The following DNM3 variants were observed in gnomAD, a reference collection of about 807,000 sequenced individuals.
DNM3 encodes dynamin 3, also known as dynamin-3.
In DNM3, 47 loss-of-function variants were observed where a neutral mutation model predicts 101.6. The observed-to-expected ratio is 0.46, with a 90% CI of 0.37 to 0.59. The LOEUF (loss-of-function observed/expected upper bound fraction) is 0.59. Ranked by LOEUF, DNM3 falls within the 20% of genes least tolerant of loss-of-function variation. DNM3 has a pLI of 0.00. For synonymous variants in DNM3, 385 were observed against 387.9 expected (o/e 0.99, Z 0.09); for missense variants, 849 against 1,085.7 (o/e 0.78, Z 3.06).
intron 15 of DNM3, among the ~76,000 whole-genome samples, chr1:172,291,636 T>C (rs948913039): frequency 6.6e-6 from 1 of 152,164 alleles, no homozygotes. Context: ...AAAATGTATG[T>C]AGTAGTAATC....
chr1:171,848,151 C>T (rs927747450), intron 1 of DNM3, among the ~76,000 whole-genome samples: 1 of 152,174 alleles, frequency 6.6e-6, no homozygotes, highest in Non-Finnish European at 1.5e-5. Flanking sequence ...ATCATCTTCT[C>T]TTCCTCCTGT....
rs2071261355 is a variant in DNM3, at chr1:172,412,405, C to CTTTG, written c.*4568_*4571dup. 1.0e-6 allele frequency: 1 copy of CTTTG among 985,610 alleles called. No homozygotes were observed. The highest frequency in any genetic ancestry group is 1.2e-6 in the Non-Finnish European group (1 of 829,898). The allele number at this position is 985,610 out of a possible 1,614,324, so 61.1% of individuals were successfully genotyped here. A position where few individuals can be genotyped will look rare whatever the true frequency, so the allele number is the denominator to read the frequency against. ...TATATTTCCTATGTACATGTACAGC[C>CTTTG]TTTGTTTTGCTTGCTTGTCTATTTT... On this transcript the variant is annotated 3_prime_UTR_variant, in exon 21 of 21. Coordinates refer to ENST00000627582, the MANE Select transcript of DNM3 (RefSeq NM_015569.5).
chr1:172,118,992 ATTT>A (rs761175849), intron 13 of DNM3, among the ~76,000 whole-genome samples: 5 of 140,006 alleles, frequency 3.6e-5, no homozygotes, highest in Non-Finnish European at 4.7e-5. Context: ...CTAGTTGTTA[ATTT>A]TTTTTTTTTT....
rs183763409 is a variant in DNM3, at chr1:171,992,793, A to G, written c.589+3645A>G. On this transcript the variant is annotated intron_variant, in intron 4 of 20. Coordinates refer to ENST00000627582, the MANE Select transcript of DNM3 (RefSeq NM_015569.5). ...ATGTCCTATGTCTTTTTGTTTCTCTATTTCTCTGCTACTATCTCCTTTTGT... is the reference window on the plus strand; with the variant it reads ...ATGTCCTATGTCTTTTTGTTTCTCTGTTTCTCTGCTACTATCTCCTTTTGT... Among the ~76,000 whole-genome samples the G allele has an allele frequency of 4.3e-3, 647 of 150,828 alleles. 7 individuals carry two copies. The highest frequency in any genetic ancestry group is 0.015 in the African/African-American group (624 of 41,184).
At chr1:171,983,678 C>T (rs757038843) in intron 2 of DNM3, among the ~76,000 whole-genome samples, 1 of 152,192 alleles carries the variant, frequency 6.6e-6, no homozygotes, top group Admixed American at 6.5e-5. Context: ...ATATCTCTCA[C>T]TTGGACTTCT....
rs2031212852 is a variant in DNM3, at chr1:171,841,710, C to A, written c.54C>A (p.Asp18Glu). ...TCCCGCTGGTGAACCGTCTGCAGGA[C>A]GCGTTTTCGGCGCTGGGACAGAGCT... is the stretch of plus-strand genomic sequence containing the variant. ...ELIPLVNRLQ[D>E]AFSALGQSCL... Residue 18 changes from aspartate to glutamate, a missense_variant, in exon 1 of 21, where the codon GAC becomes GAA. This residue lies in a region of DNM3 where 388 missense variants were observed against 483.0 expected (regional missense o/e 0.80). Coordinates refer to ENST00000627582, the MANE Select transcript of DNM3 (RefSeq NM_015569.5). The A allele has an allele frequency of 6.2e-7, 1 of 1,611,708 alleles. No individual in the cohort carries two copies. The highest frequency in any genetic ancestry group is 1.3e-5 in the African/African-American group (1 of 74,874).
chr1:172,192,674 A>G (rs555458775), intron 14 of DNM3, among the ~76,000 whole-genome samples: 4 of 151,702 alleles, frequency 2.6e-5, no homozygotes, highest in East Asian at 3.9e-4. Context: ...ATGATTTCCA[A>G]TTTCATCCAT....
At chr1:172,380,727 G>A (rs2068849323) in intron 18 of DNM3, 1 of 151,996 alleles carries the variant, frequency 6.6e-6, no homozygotes, top group Admixed American at 6.6e-5. Context: ...AATAGTCTGT[G>A]TATTTTTAAA....
chr1:171,905,569 T>C (rs1402777089), intron 1 of DNM3, among the ~76,000 whole-genome samples: 1 of 152,068 alleles, frequency 6.6e-6, no homozygotes, highest in Non-Finnish European at 1.5e-5. Flanking sequence ...TAGCTGAGGA[T>C]TTTTCTTTTT....
intron 13 of DNM3, among the ~76,000 whole-genome samples, chr1:172,096,287 T>A (rs1367697689): frequency 6.6e-6 from 1 of 152,220 alleles, no homozygotes; most frequent in Non-Finnish European, 1.5e-5. Context: ...TTAAAGCTAT[T>A]TTTATGTTGC....
intron 14 of DNM3, among the ~76,000 whole-genome samples, chr1:172,181,820 T>TCC (rs760192142): frequency 1.4e-5 from 2 of 145,788 alleles, no homozygotes; most frequent in African/African-American, 5.2e-5. Flanking sequence ...TTTTTTTTTT[T>TCC]GAAAATAAAC....
intron 11 of DNM3, among the ~76,000 whole-genome samples, chr1:172,069,258 G>A (rs951482120): frequency 1.3e-5 from 2 of 151,974 alleles, no homozygotes; most frequent in African/African-American, 2.4e-5. Context: ...TTAAGACAGA[G>A]GTTCTTAACT....
intron 14 of DNM3, among the ~76,000 whole-genome samples, chr1:172,215,813 C>A (rs1287500642): frequency 6.6e-6 from 1 of 151,840 alleles, no homozygotes; most frequent in African/African-American, 2.4e-5. Flanking sequence ...AGCTGTTGAA[C>A]CACTGTGTGA....
At chr1:171,869,493 T>G (rs529750338) in intron 1 of DNM3, among the ~76,000 whole-genome samples, 1 of 152,374 alleles carries the variant, frequency 6.6e-6, no homozygotes, top group East Asian at 1.9e-4. Flanking sequence ...GCTGTAGAAT[T>G]GTGCTGTTTT....
intron 2 of DNM3, among the ~76,000 whole-genome samples, chr1:171,940,534 A>G (rs2041743187): frequency 6.6e-6 from 1 of 152,170 alleles, no homozygotes; most frequent in Non-Finnish European, 1.5e-5. Context: ...AGTTAGCTTC[A>G]GTTTTTACTG....
intron 15 of DNM3, among the ~76,000 whole-genome samples, chr1:172,286,528 G>A (rs182864915): frequency 4.6e-5 from 7 of 152,186 alleles, no homozygotes; most frequent in African/African-American, 1.7e-4. Context: ...TCCCCCTATG[G>A]GAAAATAGTT....
At chr1:172,166,283 A>T (rs1298960986) in intron 14 of DNM3, among the ~76,000 whole-genome samples, 1 of 152,126 alleles carries the variant, frequency 6.6e-6, no homozygotes, top group Non-Finnish European at 1.5e-5. Flanking sequence ...GATACCCTCA[A>T]TTAAATAGGT....
chr1:172,237,549 A>G (rs1169373867), intron 14 of DNM3, among the ~76,000 whole-genome samples: 1 of 152,178 alleles, frequency 6.6e-6, no homozygotes, highest in Non-Finnish European at 1.5e-5. Context: ...AGAATTCCAA[A>G]TACACTTTTT....
intron 14 of DNM3, among the ~76,000 whole-genome samples, chr1:172,168,248 C>CT (rs5778720): frequency 1.8e-4 from 27 of 150,048 alleles, no homozygotes; most frequent in East Asian, 5.9e-4. Flanking sequence ...TATGGTCTCC[C>CT]TTTTTTTTTT....
Sources: allele counts gnomAD v4.1 joint callset (sites outside exome capture counted in the v4.1 genomes callset), GRCh38; gene constraint gnomAD v4.1.1; regional missense constraint gnomAD v4.1.1; transcripts MANE v1.5; gene names NCBI Gene and HGNC (gene_info 2026-07-23, HGNC 2026-07-21).